Variants in LHX2 observed in about 807,000 individuals in gnomAD.
The protein encoded by LHX2 is LIM/homeobox protein Lhx2.
A neutral mutation model predicts 33.0 loss-of-function variants in LHX2; 6 were observed. The observed-to-expected ratio is 0.18, with a 90% CI of 0.10 to 0.36. The LOEUF is 0.36. LHX2 is among the 10% of genes least tolerant of loss of function. LHX2 has a pLI of 1.00. For synonymous variants in LHX2, 292 were observed against 253.1 expected (o/e 1.15, Z -1.46); for missense variants, 442 against 586.2 (o/e 0.75, Z 2.54).
chr9:124,014,461 C>A lies in LHX2; in HGVS notation c.323+298C>A, dbSNP rs1267592403. ...CTTGAGTTGGGATCCTTGCTCCCCT[C>A]TCTCTTTGAAGTTTCTTGAGTTAAT... On this transcript the variant is annotated intron_variant, in intron 2 of 4. Coordinates refer to ENST00000373615, the MANE Select transcript of LHX2 (RefSeq NM_004789.4). This position sits in a 1 kb window ranked among gnomAD's most constrained non-coding sequence, Gnocchi z 4.8. 6.6e-6 allele frequency among the ~76,000 whole-genome samples: 1 copy of A among 152,182 alleles called. No individual in the cohort carries two copies. Among genetic ancestry groups the A allele is most frequent in the South Asian group, 2.1e-4 (1 of 4,832 alleles).
rs1859172560 is a variant in LHX2 at position 124,015,494 on chromosome 9, C to T, written c.696C>T (p.Gly232=). 2 of 1,476,204 alleles carry T rather than the reference C, an allele frequency of 1.4e-6. No homozygotes were observed. Among genetic ancestry groups the T allele is most frequent in the African/African-American group, 1.4e-5 (1 of 70,408 alleles). The allele number at this position is 1,476,204 out of a possible 1,614,324, so 91.4% of individuals were successfully genotyped here. ...GGCCGAGGAAACGTAAGAGCCCGGG[C>T]CCCGGTGCGGATCTGGCGGCCTACA... ...KGRPRKRKSP[G]PGADLAAYNA... The change falls in exon 3 of 5, where the codon GGC becomes GGT. Residue 232 remains glycine, a synonymous_variant. Coordinates refer to ENST00000373615, the MANE Select transcript of LHX2 (RefSeq NM_004789.4). This position sits in a 1 kb window ranked among gnomAD's most constrained non-coding sequence, Gnocchi z 7.9.
In LHX2 at chr9:124,015,091, C is replaced by T; in HGVS notation, c.324-31C>T. On this transcript the variant is annotated intron_variant, in intron 2 of 4. Coordinates refer to ENST00000373615, the MANE Select transcript of LHX2 (RefSeq NM_004789.4). The surrounding 1 kb of genome is among the most constrained non-coding windows in gnomAD (Gnocchi z 7.9). ...AAAGGGGGGTACCCAACCGTGTGTT[C>T]CCACAGCCCCTCCCTCCATGGTCCC... 6.2e-7 allele frequency: 1 copy of T among 1,604,900 alleles called. No homozygotes were observed. The highest frequency in any genetic ancestry group is 2.2e-5 in the East Asian group (1 of 44,832).
At chr9:124,022,314 A>T (rs1859307019) in intron 4 of LHX2, among the ~76,000 whole-genome samples, 1 of 152,224 alleles carries the variant, frequency 6.6e-6, no homozygotes, top group Admixed American at 6.5e-5. Flanking sequence ...TTCGTTGCTC[A>T]GTGGATGGTA....
Position 124,015,354 on chromosome 9 carries a change from G to T in LHX2, c.556G>T (p.Val186Leu), listed in dbSNP as rs753230621. The T allele has an allele frequency of 6.2e-7, 1 of 1,611,082 alleles. No homozygotes were observed. The highest frequency in any genetic ancestry group is 8.5e-7 in the Non-Finnish European group (1 of 1,178,542). ...EYPAHFNHAD[V>L]AAAAAAAAAA... is the part of the protein sequence containing the mutation. The stretch of plus-strand genomic sequence containing the variant: ...CCCCGCACACTTCAACCATGCCGAC[G>T]TGGCAGCGGCGGCCGCTGCAGCCGC... Residue 186 changes from valine to leucine, a missense_variant, in exon 3 of 5, where the codon GTG becomes TTG. Val to Leu is a conservative substitution (Grantham distance 32). Around this residue, in one of 5 missense-constraint regions of LHX2, gnomAD observed 132 missense variants for 139.1 expected, o/e 0.95. Coordinates refer to ENST00000373615, the MANE Select transcript of LHX2 (RefSeq NM_004789.4). The surrounding 1 kb of genome is among the most constrained non-coding windows in gnomAD (Gnocchi z 7.9).
intron 3 of LHX2, among the ~76,000 whole-genome samples, 184 bp from the exon 4 acceptor site, chr9:124,020,915 G>T (rs1313222508): frequency 1.3e-5 from 2 of 152,214 alleles, no homozygotes; most frequent in African/African-American, 4.8e-5. Flanking sequence ...ATCCTGGGTG[G>T]ATCGCTGTCT....
chr9:124,012,333 C>A lies in LHX2; in HGVS notation c.-16C>A. 4 of 1,490,950 alleles carry A rather than the reference C, an allele frequency of 2.7e-6. No individual in the cohort carries two copies. Among genetic ancestry groups the A allele is most frequent in the Non-Finnish European group, 2.7e-6 (3 of 1,125,678 alleles). The allele number at this position is 1,490,950 out of a possible 1,614,324, so 92.4% of individuals were successfully genotyped here. On this transcript the variant is annotated 5_prime_UTR_variant, in exon 1 of 5. Coordinates refer to ENST00000373615, the MANE Select transcript of LHX2 (RefSeq NM_004789.4). The surrounding 1 kb of genome is among the most constrained non-coding windows in gnomAD (Gnocchi z 4.3). The stretch of plus-strand genomic sequence containing the variant: ...CTCGGAGGAGCCGCGCCCCCGGCCC[C>A]GCCGGTCCCGCCGCGATGCTGTTCC...
chr9:124,013,935 T>G, intron 1 of LHX2, 26 bp from the exon 2 acceptor site: 5 of 1,602,756 alleles, frequency 3.1e-6, no homozygotes, highest in Non-Finnish European at 3.4e-6. Flanking sequence ...CAGGCGCTGC[T>G]GTCTTCCGCC....
At position 124,021,112 on chromosome 9, in the gene LHX2, C is replaced by CGAA; in HGVS notation, c.742_744dup (p.Glu248dup). 1 of 1,614,070 alleles carries CGAA rather than the reference C, an allele frequency of 6.2e-7. No homozygotes were observed. The highest frequency in any genetic ancestry group is 8.5e-7 in the Non-Finnish European group (1 of 1,180,022). On this transcript the variant is annotated inframe_insertion, in exon 4 of 5. Coordinates refer to ENST00000373615, the MANE Select transcript of LHX2 (RefSeq NM_004789.4). ...TCTCCTCCCTAGCGCTAAGCTGCAA[C>CGAA]GAAAACGACGCAGAGCACCTGGACC...
chr9:124,020,626 G>A (rs1859275790), intron 3 of LHX2, among the ~76,000 whole-genome samples: 1 of 152,228 alleles, frequency 6.6e-6, no homozygotes, highest in Middle Eastern at 3.4e-3. Context: ...TGTGTCCAAA[G>A]TCAAGTGACT....
chr9:124,029,779 C>T (rs559557167), intron 4 of LHX2, among the ~76,000 whole-genome samples: 2 of 152,340 alleles, frequency 1.3e-5, no homozygotes, highest in South Asian at 2.1e-4. Context: ...AGGGGTCACA[C>T]GCACACAGGC....
Position 124,032,811 on chromosome 9 carries a change from C to T in LHX2, c.*104C>T, listed in dbSNP as rs949012740. 6 of 1,275,620 alleles carry T rather than the reference C, an allele frequency of 4.7e-6. No homozygotes were observed. In the African/African-American group the frequency reaches 7.6e-5, roughly 16 times the overall value. The allele number at this position is 1,275,620 out of a possible 1,614,324, so 79.0% of individuals were successfully genotyped here. A position where few individuals can be genotyped will look rare whatever the true frequency, so the allele number is the denominator to read the frequency against. On this transcript the variant is annotated 3_prime_UTR_variant, in exon 5 of 5. Transcript: ENST00000373615. This position sits in a 1 kb window ranked among gnomAD's most constrained non-coding sequence, Gnocchi z 4.1. ...GAGGCTTTGAGCAACTAACTAACCACATTTTAGGATCTCGCCTGGAAACAG... is the reference window on the plus strand; with the variant it reads ...GAGGCTTTGAGCAACTAACTAACCATATTTTAGGATCTCGCCTGGAAACAG...
Position 124,014,588 on chromosome 9 carries a change from T to C in LHX2, c.323+425T>C, listed in dbSNP as rs1038656383. On this transcript the variant is annotated intron_variant, in intron 2 of 4. Transcript: ENST00000373615. The surrounding 1 kb of genome is among the most constrained non-coding windows in gnomAD (Gnocchi z 4.8). ...GGGAGTGGGTGCATTTCCAGGTCTT[T>C]TGAGAAAATGGGAATGAAAGGTGGC... Among the ~76,000 whole-genome samples the C allele has an allele frequency of 6.6e-6, 1 of 152,140 alleles. No homozygotes were observed. Among genetic ancestry groups the C allele is most frequent in the South Asian group, 2.1e-4 (1 of 4,828 alleles).
chr9:124,021,014 G>A (rs1266255375), intron 3 of LHX2, 85 bp from the exon 4 acceptor site: 2 of 1,219,174 alleles, frequency 1.6e-6, no homozygotes, highest in East Asian at 2.4e-5. Flanking sequence ...GGATTGAAAT[G>A]TTTGGCAGTG....
rs182118435 is a variant in LHX2 at position 124,022,462 on chromosome 9, A to G, written c.933+1158A>G. Among the ~76,000 whole-genome samples, 419 of 152,340 alleles carry G rather than the reference A, an allele frequency of 2.8e-3. 2 individuals carry two copies. Among genetic ancestry groups the G allele is most frequent in the Admixed American group, 3.1e-3 (48 of 15,306 alleles). The stretch of plus-strand genomic sequence containing the variant: ...GCCTCCCTTGATAGCAAGTTTAACC[A>G]ATTTATTCTTCAGAACGTGTGGTTA... On this transcript the variant is annotated intron_variant, in intron 4 of 4. Coordinates refer to ENST00000373615, the MANE Select transcript of LHX2 (RefSeq NM_004789.4).
Position 124,015,463 on chromosome 9 carries a change from A to C in LHX2, c.665A>C (p.Lys222Thr). 6.6e-7 allele frequency: 1 copy of C among 1,520,548 alleles called. No homozygotes were observed. The highest frequency in any genetic ancestry group is 8.8e-7 in the Non-Finnish European group (1 of 1,135,958). The allele number at this position is 1,520,548 out of a possible 1,614,324, so 94.2% of individuals were successfully genotyped here. A position where few individuals can be genotyped will look rare whatever the true frequency, so the allele number is the denominator to read the frequency against. The change falls in exon 3 of 5, where the codon AAG becomes ACG. Residue 222 changes from lysine (K) to threonine (T), a missense_variant. Physicochemically the swap from Lys to Thr is moderately conservative, Grantham distance 78 (BLOSUM62 -1). Coordinates refer to ENST00000373615, the MANE Select transcript of LHX2 (RefSeq NM_004789.4). The surrounding 1 kb of genome is among the most constrained non-coding windows in gnomAD (Gnocchi z 7.9). ...TACAATGGCGTGGGCACTGTGCAGA[A>C]GGGGCGGCCGAGGAAACGTAAGAGC... is the stretch of plus-strand genomic sequence containing the variant. ...PYYNGVGTVQ[K>T]GRPRKRKSPG...
rs560242544 is a variant in LHX2 at position 124,014,023 on chromosome 9, G to C, written c.183G>C (p.Ser61=). ...GCGCCGGCTGCGGGGGCAAGATCTC[G>C]GACCGCTACTACCTGCTGGCGGTGG... The part of the protein sequence containing the change: ...ALCAGCGGKI[S]DRYYLLAVDK... The change falls in exon 2 of 5, where the codon TCG becomes TCC. Residue 61 remains serine (S), a synonymous_variant. Transcript: ENST00000373615. The surrounding 1 kb of genome is among the most constrained non-coding windows in gnomAD (Gnocchi z 4.8). The C allele has an allele frequency of 1.6e-4, 265 of 1,613,608 alleles. 3 individuals are homozygous for C. In the South Asian group the frequency reaches 2.4e-3, roughly 15 times the overall value.
At chr9:124,021,856 C>G (rs1426776043) in intron 4 of LHX2, 1 of 153,922 alleles carries the variant, frequency 6.5e-6, no homozygotes, top group Non-Finnish European at 1.4e-5. Context: ...CCCAGACTCT[C>G]CTGGAAGCAA....
intron 4 of LHX2, among the ~76,000 whole-genome samples, chr9:124,029,864 C>A (rs1828684423): frequency 6.6e-6 from 1 of 152,366 alleles, no homozygotes; most frequent in South Asian, 2.1e-4. Context: ...GGGGAAGTCA[C>A]TTCCTCTCTC....
chr9:124,032,542 G>T lies in LHX2; in HGVS notation c.1056G>T (p.Glu352Asp), dbSNP rs1267522986. The T allele has an allele frequency of 6.2e-7, 1 of 1,614,026 alleles. No homozygotes were observed. Among genetic ancestry groups the T allele is most frequent in the South Asian group, 1.1e-5 (1 of 91,074 alleles). ...GGACGCCATCGGGCCCGGCCTCGGA[G>T]CTCTCCAACGCCTCGCTCAGCCCCT... is the stretch of plus-strand genomic sequence containing the variant. The part of the protein sequence containing the change: ...QTGTPSGPAS[E>D]LSNASLSPSS... Residue 352 changes from glutamate (E) to aspartate (D), a missense_variant, in exon 5 of 5, where the codon GAG becomes GAT. Transcript: ENST00000373615. The surrounding 1 kb of genome is among the most constrained non-coding windows in gnomAD (Gnocchi z 4.1).
Sources: allele counts gnomAD v4.1 joint callset (sites outside exome capture counted in the v4.1 genomes callset), GRCh38; gene constraint gnomAD v4.1.1; regional missense constraint gnomAD v4.1.1; non-coding constraint Gnocchi (gnomAD v3.1); transcripts MANE v1.5; gene names NCBI Gene and HGNC (gene_info 2026-07-23, HGNC 2026-07-21).